Variants in GRM8 observed in about 807,000 individuals in gnomAD.
GRM8 encodes the protein glutamate metabotropic receptor 8.
A neutral mutation model predicts 87.2 loss-of-function variants in GRM8; 47 were observed. The observed-to-expected ratio is 0.54, with a 90% confidence interval of 0.43 to 0.69. The LOEUF is 0.69. GRM8 is among the 30% of genes least tolerant of loss of function. GRM8 has a pLI of 0.00. For synonymous variants in GRM8, 396 were observed against 404.5 expected, an observed-to-expected ratio of 0.98 and a Z score of 0.25; for missense variants, 1,019 against 1,139.2, an observed-to-expected ratio of 0.89 and a Z score of 1.52.
At chr7:127,248,902 A>G (rs1192576953) in intron 1 of GRM8, among the ~76,000 whole-genome samples, 1 of 152,204 alleles carries the variant, frequency 6.6e-6, no homozygotes, top group Non-Finnish European at 1.5e-5. Flanking sequence ...AGAAGAAGTC[A>G]ATGGAACTAC....
chr7:126,664,084 G>C (rs898589235), intron 7 of GRM8, among the ~76,000 whole-genome samples: 1 of 151,984 alleles, frequency 6.6e-6, no homozygotes, highest in Non-Finnish European at 1.5e-5. Flanking sequence ...ATTTAACCTA[G>C]GAGGTGAAAT....
At chr7:126,618,758 C>A (rs1292425132) in intron 7 of GRM8, among the ~76,000 whole-genome samples, 9 of 152,248 alleles carry the variant, frequency 5.9e-5, no homozygotes, top group Non-Finnish European at 1.2e-4. Context: ...ATGCAGCCAA[C>A]AGACACATGA....
rs6969693 is a variant in GRM8, at chr7:126,685,302, C to G, written c.1358-75804G>C. Among the ~76,000 whole-genome samples the G allele has an allele frequency of 0.68, 102,905 of 152,052 alleles. 35,661 individuals are homozygous for G. The highest frequency in any genetic ancestry group is 0.84 in the African/African-American group (34,812 of 41,500). ...AATGTGGTTGGGCACAGAGGGGTGA[C>G]CAGAGAGGGGACTCGAGGCGGAGCC... On this transcript the variant is annotated intron_variant, in intron 7 of 10. Coordinates refer to ENST00000339582, the MANE Select transcript of GRM8 (RefSeq NM_000845.3). This position sits in a 1 kb window ranked among gnomAD's most constrained non-coding sequence, Gnocchi z 4.2.
At chr7:127,059,338 T>G (rs1273143404) in intron 3 of GRM8, among the ~76,000 whole-genome samples, 1 of 147,776 alleles carries the variant, frequency 6.8e-6, no homozygotes, top group Admixed American at 6.7e-5. Flanking sequence ...TTGCTTTTTT[T>G]TTTTTTTGTT....
chr7:126,586,479 G>T (rs1174300888), intron 8 of GRM8, among the ~76,000 whole-genome samples: 2 of 152,112 alleles, frequency 1.3e-5, no homozygotes, highest in Admixed American at 1.3e-4. Flanking sequence ...TACCAAAACA[G>T]AGATACAGAC....
intron 6 of GRM8, among the ~76,000 whole-genome samples, chr7:126,891,941 C>T (rs1373806722): frequency 6.9e-6 from 1 of 144,898 alleles, no homozygotes; most frequent in East Asian, 2.1e-4. Flanking sequence ...CTATTTGTGC[C>T]AGATGCCACC....
chr7:126,788,420 A>AAAAAAAAAACAAAACAAAAAAC, intron 6 of GRM8, among the ~76,000 whole-genome samples: 1 of 81,134 alleles, frequency 1.2e-5, no homozygotes, highest in African/African-American at 4.6e-5. Flanking sequence ...AAAAAAAAAA[A>AAAAAAAAAACAAAACAAAAAAC]AAACCCTTTC....
chr7:126,778,970 G>A (rs571535768), intron 6 of GRM8, among the ~76,000 whole-genome samples: 19 of 151,946 alleles, frequency 1.3e-4, no homozygotes, highest in East Asian at 1.9e-4. Flanking sequence ...TTGGTGTGGC[G>A]TCTTACATTT....
chr7:126,781,510 A>ATGACCTGCTG (rs1820071769), intron 6 of GRM8, among the ~76,000 whole-genome samples: 1 of 152,212 alleles, frequency 6.6e-6, no homozygotes, highest in Non-Finnish European at 1.5e-5. Flanking sequence ...TTTTAAACAA[A>ATGACCTGCTG]AAGCTGAATA....
intron 8 of GRM8, among the ~76,000 whole-genome samples, chr7:126,591,978 G>C (rs77943688): frequency 0.024 from 3,639 of 151,708 alleles, 93 homozygotes; most frequent in African/African-American, 0.07. Context: ...GAACAATTAC[G>C]TGCAAACAAA....
At chr7:126,941,030 C>T (rs938264444) in intron 3 of GRM8, among the ~76,000 whole-genome samples, 12 of 152,144 alleles carry the variant, frequency 7.9e-5, no homozygotes, top group Non-Finnish European at 1.5e-4. Context: ...TAATCATCTC[C>T]GCAGCAGGTT....
At chr7:126,740,140 T>G (rs55774132) in intron 7 of GRM8, among the ~76,000 whole-genome samples, 3,347 of 152,146 alleles carry the variant, frequency 0.022, 135 homozygotes, top group African/African-American at 0.076. Flanking sequence ...AATACATTTT[T>G]CACATAAATA....
At position 126,693,028 on chromosome 7, in the gene GRM8, A is replaced by G. The variant is rs563467195; in HGVS notation, c.1357+76837T>C. On this transcript the variant is annotated intron_variant, in intron 7 of 10. Transcript: ENST00000339582. The stretch of plus-strand genomic sequence containing the variant: ...ACCCCACTTCACTCTCCAAACCCTC[A>G]ATAGGAAAAAGTTGGCTGGAAGAGT... Among the ~76,000 whole-genome samples, 5 of 152,308 alleles carry G rather than the reference A, an allele frequency of 3.3e-5. No individual in the cohort carries two copies. The South Asian group carries it at 1.0e-3, about 32-fold the overall frequency.
At chr7:127,072,812 A>G (rs1414518856) in intron 3 of GRM8, among the ~76,000 whole-genome samples, 3 of 152,098 alleles carry the variant, frequency 2.0e-5, no homozygotes, top group Non-Finnish European at 4.4e-5. Flanking sequence ...CCCACATGAT[A>G]CATCTTAAAC....
chr7:126,819,260 T>TCAGA (rs1029070950), intron 6 of GRM8, among the ~76,000 whole-genome samples: 10 of 77,066 alleles, frequency 1.3e-4, no homozygotes, highest in African/African-American at 3.9e-4. Context: ...CCCTTCCTAT[T>TCAGA]CAGACAGACA....
Position 126,685,017 on chromosome 7 carries a change from G to A in GRM8, c.1358-75519C>T, listed in dbSNP as rs1808006931. Among the ~76,000 whole-genome samples the A allele has an allele frequency of 6.6e-6, 1 of 152,178 alleles. No individual in the cohort carries two copies. Among genetic ancestry groups the A allele is most frequent in the Non-Finnish European group, 1.5e-5 (1 of 68,022 alleles). ...AGTGGTAGCAGCAGGAGAGGCTGCA[G>A]GGCAGCAGTGGTGGCCATGGGACCC... On this transcript the variant is annotated intron_variant, in intron 7 of 10. Transcript: ENST00000339582. The surrounding 1 kb of genome is among the most constrained non-coding windows in gnomAD (Gnocchi z 4.2).
At chr7:126,483,429 C>A (rs1282141595) in intron 9 of GRM8, among the ~76,000 whole-genome samples, 1 of 147,796 alleles carries the variant, frequency 6.8e-6, no homozygotes, top group South Asian at 2.2e-4. Context: ...ATAAAACATA[C>A]CCTTAGTATT....
intron 9 of GRM8, among the ~76,000 whole-genome samples, chr7:126,504,009 G>A (rs961508718): frequency 3.3e-5 from 5 of 151,830 alleles, no homozygotes; most frequent in African/African-American, 9.7e-5. Flanking sequence ...CTGTTCTTAC[G>A]AGCCACTGAG....
intron 1 of GRM8, among the ~76,000 whole-genome samples, chr7:127,248,331 CAG>C (rs1014605286): frequency 6.6e-6 from 1 of 152,184 alleles, no homozygotes; most frequent in African/African-American, 2.4e-5. Flanking sequence ...AACCTGAAAA[CAG>C]AAAGATTATA....
Sources: allele counts gnomAD v4.1 joint callset (sites outside exome capture counted in the v4.1 genomes callset), GRCh38; gene constraint gnomAD v4.1.1; non-coding constraint Gnocchi (gnomAD v3.1); transcripts MANE v1.5; gene names NCBI Gene and HGNC (gene_info 2026-07-23, HGNC 2026-07-21).